The following ITGA9 variants were observed in gnomAD, a reference collection of about 807,000 sequenced individuals.
ITGA9 encodes the protein integrin alpha-9.
In ITGA9, 56 loss-of-function variants were observed where a neutral mutation model predicts 127.8. The ratio of observed to expected loss-of-function variants is 0.44; its 90% CI spans 0.35 to 0.55. The LOEUF (loss-of-function observed/expected upper bound fraction) is 0.55, where lower values mean the gene tolerates loss of function less well. Among genes scored for constraint, ITGA9 ranks in the 20% least tolerant of loss-of-function variants. The probability of loss-of-function intolerance (pLI) is 0.00; values close to 1 mark genes in which losing one functional copy is unlikely to be tolerated. For synonymous variants in ITGA9, 508 were observed against 514.5 expected (o/e 0.99, Z 0.17); for missense variants, 1,196 against 1,347.1 (o/e 0.89, Z 1.76).
At chr3:37,628,363 C>G (rs995512927) in intron 15 of ITGA9, among the ~76,000 whole-genome samples, 3 of 152,134 alleles carry the variant, frequency 2.0e-5, no homozygotes, top group African/African-American at 7.2e-5. Context: ...GGCCAGAGTC[C>G]CCAGGAGGCA....
intron 23 of ITGA9, among the ~76,000 whole-genome samples, chr3:37,768,392 T>A (rs1696803138): frequency 6.6e-6 from 1 of 152,220 alleles, no homozygotes; most frequent in African/African-American, 2.4e-5. Context: ...CTAAAATTAA[T>A]GTCACCACAG....
intron 18 of ITGA9, among the ~76,000 whole-genome samples, chr3:37,732,481 A>C (rs1350871858): frequency 6.6e-6 from 1 of 152,104 alleles, no homozygotes; most frequent in Non-Finnish European, 1.5e-5. Context: ...TTGAACCCAA[A>C]GCATTAGTTA....
chr3:37,575,671 C>G (rs539548334), intron 15 of ITGA9, among the ~76,000 whole-genome samples: 7 of 152,022 alleles, frequency 4.6e-5, no homozygotes, highest in African/African-American at 1.4e-4. Context: ...GTACTCAGTT[C>G]TCTTAGTCTT....
chr3:37,819,101 GCTGTTCT>G lies in ITGA9; in HGVS notation c.*115_*121del, dbSNP rs1697479951. The G allele has an allele frequency of 6.1e-6, 5 of 824,458 alleles. No homozygotes were observed. The South Asian group carries it at 7.2e-5, about 12-fold the overall frequency. 51.1% of individuals were successfully genotyped at this position (824,458 alleles called of 1,614,324 possible). Reference sequence around the variant, plus strand: ...CAGATTTTTCGGAGGCCCCACTGATGCTGTTCTCTTCTTCATTCTATCAAGCCCAGGT... The same window carrying G: ...CAGATTTTTCGGAGGCCCCACTGATGCTTCTTCATTCTATCAAGCCCAGGT... On this transcript the variant is annotated 3_prime_UTR_variant, in exon 28 of 28. Coordinates refer to ENST00000264741, the MANE Select transcript of ITGA9 (RefSeq NM_002207.3).
chr3:37,672,373 G>A (rs1700645259), intron 17 of ITGA9, among the ~76,000 whole-genome samples: 1 of 152,092 alleles, frequency 6.6e-6, no homozygotes, highest in Admixed American at 6.5e-5. Flanking sequence ...TTATAAAGGG[G>A]AGTTCCCCTG....
At chr3:37,495,858 A>G (rs1000266157) in intron 5 of ITGA9, among the ~76,000 whole-genome samples, 1 of 152,184 alleles carries the variant, frequency 6.6e-6, no homozygotes, top group African/African-American at 2.4e-5. Context: ...CTTTCTGCAT[A>G]CTAGCCCCAG....
intron 10 of ITGA9, among the ~76,000 whole-genome samples, chr3:37,518,352 C>T (rs151211929): frequency 1.2e-3 from 184 of 152,316 alleles, no homozygotes; most frequent in Middle Eastern, 0.01. Context: ...TACCTCCTAC[C>T]ACTGGCTACA....
intron 3 of ITGA9, among the ~76,000 whole-genome samples, chr3:37,473,851 G>A (rs925785880): frequency 2.6e-5 from 4 of 151,884 alleles, no homozygotes; most frequent in Admixed American, 2.0e-4. Flanking sequence ...TATTTCCATC[G>A]TCCCAAAAGT....
intron 16 of ITGA9, among the ~76,000 whole-genome samples, chr3:37,642,916 T>C (rs1356954548): frequency 6.6e-6 from 1 of 152,208 alleles, no homozygotes; most frequent in Non-Finnish European, 1.5e-5. Flanking sequence ...CATTAGGTAA[T>C]AGTTTCCCGG....
chr3:37,653,596 G>A, intron 16 of ITGA9, 118 bp from the exon 17 acceptor site: 3 of 817,064 alleles, frequency 3.7e-6, no homozygotes, highest in Non-Finnish European at 6.5e-6. Context: ...GGTGGGAGTA[G>A]AAGCCCTGAG....
At chr3:37,695,279 C>T (rs1343225509) in intron 18 of ITGA9, among the ~76,000 whole-genome samples, 1 of 152,144 alleles carries the variant, frequency 6.6e-6, no homozygotes, top group Non-Finnish European at 1.5e-5. Flanking sequence ...CTCTTGGAGC[C>T]AAACGAAGAC....
chr3:37,473,517 C>T, intron 3 of ITGA9, 57 bp downstream of exon 3: 4 of 1,310,346 alleles, frequency 3.1e-6, no homozygotes, highest in Non-Finnish European at 4.4e-6. Flanking sequence ...AATGAATGAT[C>T]TGTTAGGAAG....
chr3:37,791,529 G>A (rs1032748407), intron 26 of ITGA9, among the ~76,000 whole-genome samples: 1 of 152,210 alleles, frequency 6.6e-6, no homozygotes, highest in Non-Finnish European at 1.5e-5. Flanking sequence ...GCGTCCAGGC[G>A]CAGGAAGTCT....
chr3:37,498,186 C>T lies in ITGA9; in HGVS notation c.612+3618C>T, dbSNP rs534130139. 6.9e-4 allele frequency among the ~76,000 whole-genome samples: 105 copies of T among 152,204 alleles called. 1 individual carries two copies. Among genetic ancestry groups the T allele is most frequent in the Admixed American group, 1.7e-3 (26 of 15,294 alleles). On this transcript the variant is annotated intron_variant, in intron 5 of 27. Transcript: ENST00000264741. ...TCTGCTTTCAGACACAGGGAGTGTG[C>T]GATGTTTTTAGAGGACGTTTGGACT...
chr3:37,648,155 G>C (rs142313515), intron 16 of ITGA9, among the ~76,000 whole-genome samples: 5 of 152,150 alleles, frequency 3.3e-5, no homozygotes, highest in Non-Finnish European at 7.4e-5. Flanking sequence ...ATGTATAAGG[G>C]TTCCCTTTTC....
intron 18 of ITGA9, among the ~76,000 whole-genome samples, chr3:37,727,894 T>G (rs575886130): frequency 1.1e-4 from 16 of 152,322 alleles, no homozygotes; most frequent in African/African-American, 3.6e-4. Flanking sequence ...AGATCCAGAT[T>G]TATCAGTGGT....
chr3:37,554,653 G>C (rs1559535311), intron 15 of ITGA9, among the ~76,000 whole-genome samples: 1 of 152,216 alleles, frequency 6.6e-6, no homozygotes, highest in East Asian at 1.9e-4. Flanking sequence ...TGGTAACATT[G>C]TGAGAAGTGG....
intron 17 of ITGA9, among the ~76,000 whole-genome samples, chr3:37,680,221 A>G (rs960367417): frequency 1.3e-5 from 2 of 152,176 alleles, no homozygotes; most frequent in African/African-American, 4.8e-5. Context: ...TTTCAGAAGG[A>G]TGACATATTT....
chr3:37,812,735 G>A (rs1697383491), intron 27 of ITGA9, among the ~76,000 whole-genome samples: 1 of 152,002 alleles, frequency 6.6e-6, no homozygotes, highest in Admixed American at 6.5e-5. Flanking sequence ...ACCTCCTCTA[G>A]GGTTTCTATG....
Sources: gnomAD v4.1 joint callset for allele counts (sites outside exome capture counted in the v4.1 genomes callset) on GRCh38, gnomAD v4.1.1 for gene constraint, MANE v1.5 for transcripts, NCBI Gene and HGNC (gene_info 2026-07-23, HGNC 2026-07-21) for gene names.